CPPED1: variants seen among roughly 807,000 people sequenced by gnomAD.
CPPED1 encodes calcineurin like phosphoesterase domain containing 1, also known as serine/threonine-protein phosphatase CPPED1.
Under a neutral mutation model 28.0 loss-of-function variants are expected in CPPED1, and 28 were observed. The observed-to-expected ratio is 1.00, with a 90% CI of 0.74 to 1.37. The LOEUF (loss-of-function observed/expected upper bound fraction) is 1.37, where lower values mean the gene tolerates loss of function less well. Among genes scored for constraint, CPPED1 ranks in the 40% most tolerant of loss-of-function variants. The pLI is 0.00. For missense variants in CPPED1, 504 were observed against 416.5 expected (o/e 1.21, Z -1.83); for synonymous variants, 198 against 180.2 (o/e 1.10, Z -0.79).
chr16:12,761,954 G>A (rs2141227232), intron 2 of CPPED1, among the ~76,000 whole-genome samples: 2 of 151,904 alleles, frequency 1.3e-5, no homozygotes, highest in African/African-American at 4.8e-5. Context: ...GGTGGAGGTT[G>A]CAGTGAGCTG....
At chr16:12,757,652 T>C (rs1381063420) in intron 2 of CPPED1, 1 of 135,184 alleles carries the variant, frequency 7.4e-6, no homozygotes, top group Non-Finnish European at 1.6e-5. Flanking sequence ...TAGCAGCGTA[T>C]GTGTTGTGAG....
chr16:12,714,777 G>C (rs2080098545), intron 2 of CPPED1, among the ~76,000 whole-genome samples: 1 of 151,446 alleles, frequency 6.6e-6, no homozygotes, highest in Non-Finnish European at 1.5e-5. Context: ...GTCCTTTGAG[G>C]TACAAAATAT....
chr16:12,706,555 C>T (rs1264599137), intron 2 of CPPED1, among the ~76,000 whole-genome samples: 5 of 75,552 alleles, frequency 6.6e-5, no homozygotes, highest in South Asian at 5.4e-4. Flanking sequence ...TAATTTTCAC[C>T]GAAAAAAAAA....
At chr16:12,738,499 A>C (rs1596465931) in intron 2 of CPPED1, among the ~76,000 whole-genome samples, 2 of 152,282 alleles carry the variant, frequency 1.3e-5, no homozygotes, top group East Asian at 3.9e-4. Flanking sequence ...AATGTCTCTG[A>C]ATATTTTAGT....
chr16:12,797,024 A>G (rs911841806), intron 1 of CPPED1, among the ~76,000 whole-genome samples: 1 of 152,218 alleles, frequency 6.6e-6, no homozygotes, highest in African/African-American at 2.4e-5. Context: ...ATATTTTTCC[A>G]TTAACATGAA....
rs977386714 is a variant in CPPED1 at position 12,770,241 on chromosome 16, T to C, written c.289+10944A>G. Reference sequence around the variant, plus strand: ...GGTGTGCTCTCAGTGCAAATGGCGCTGAGGCAGATTCTAAACCCAGGCAAC... The same window carrying C: ...GGTGTGCTCTCAGTGCAAATGGCGCCGAGGCAGATTCTAAACCCAGGCAAC... On this transcript the variant is annotated intron_variant, in intron 2 of 3. Transcript: ENST00000381774. Among the ~76,000 whole-genome samples, 6 of 152,162 alleles carry C rather than the reference T, an allele frequency of 3.9e-5. 1 individual carries two copies. Among genetic ancestry groups the C allele is most frequent in the African/African-American group, 1.4e-4 (6 of 41,454 alleles).
intron 2 of CPPED1, among the ~76,000 whole-genome samples, chr16:12,758,301 G>C (rs1442341872): frequency 6.6e-6 from 1 of 152,074 alleles, no homozygotes; most frequent in Non-Finnish European, 1.5e-5. Context: ...GGCTCATTGG[G>C]GTCCAGGAGC....
intron 2 of CPPED1, among the ~76,000 whole-genome samples, chr16:12,751,137 G>T (rs1486561322): frequency 6.6e-6 from 1 of 152,080 alleles, no homozygotes; most frequent in Non-Finnish European, 1.5e-5. Flanking sequence ...AATATAGAGA[G>T]ATACAATCAA....
intron 1 of CPPED1, among the ~76,000 whole-genome samples, chr16:12,801,709 A>G (rs1391221194): frequency 1.3e-5 from 2 of 152,188 alleles, no homozygotes; most frequent in Non-Finnish European, 2.9e-5. Context: ...CTAAATGGCC[A>G]TTGTATTAGT....
At chr16:12,752,700 A>G (rs2080338002) in intron 2 of CPPED1, among the ~76,000 whole-genome samples, 1 of 147,520 alleles carries the variant, frequency 6.8e-6, no homozygotes, top group Admixed American at 6.8e-5. Flanking sequence ...CTTGCAAACT[A>G]AAACACATGC....
intron 1 of CPPED1, among the ~76,000 whole-genome samples, chr16:12,789,313 T>C (rs970652967): frequency 6.6e-6 from 1 of 152,004 alleles, no homozygotes; most frequent in African/African-American, 2.4e-5. Context: ...TGCTTAGAGG[T>C]GAGGAAGAGG....
intron 3 of CPPED1, among the ~76,000 whole-genome samples, 197 bp downstream of exon 3, chr16:12,704,427 T>G (rs988888823): frequency 2.6e-5 from 4 of 152,168 alleles, no homozygotes; most frequent in Non-Finnish European, 5.9e-5. Flanking sequence ...TATTCCTGTT[T>G]TATAGACGAG....
rs150055594 is a variant in CPPED1 at position 12,738,855 on chromosome 16, G to A, written c.290-33806C>T. ...TCAGTTGCAATATTATTAGCAAACT[G>A]TTTTGCCAAAACATGTTTAATGTAG... On this transcript the variant is annotated intron_variant, in intron 2 of 3. Coordinates refer to ENST00000381774, the MANE Select transcript of CPPED1 (RefSeq NM_018340.3). 4.5e-3 allele frequency among the ~76,000 whole-genome samples: 686 copies of A among 152,284 alleles called. 9 individuals are homozygous for A. The highest frequency in any genetic ancestry group is 0.016 in the African/African-American group (659 of 41,562).
At chr16:12,782,321 G>A (rs912280578) in intron 1 of CPPED1, among the ~76,000 whole-genome samples, 6 of 152,080 alleles carry the variant, frequency 3.9e-5, no homozygotes, top group African/African-American at 1.4e-4. Context: ...GACCAATGTT[G>A]AAAAAACATT....
intron 2 of CPPED1, among the ~76,000 whole-genome samples, chr16:12,762,015 C>CAAAAA (rs56991005): frequency 6.9e-6 from 1 of 145,222 alleles, no homozygotes; most frequent in Non-Finnish European, 1.5e-5. Context: ...ACTCTGTCTC[C>CAAAAA]AAAAAAAAAA....
intron 2 of CPPED1, among the ~76,000 whole-genome samples, chr16:12,707,429 T>C (rs2080057350): frequency 6.6e-6 from 1 of 152,184 alleles, no homozygotes; most frequent in African/African-American, 2.4e-5. Flanking sequence ...CTCAAGGTGC[T>C]GTCTACAGTG....
intron 1 of CPPED1, among the ~76,000 whole-genome samples, chr16:12,800,741 C>G (rs761990734): frequency 2.4e-4 from 36 of 152,174 alleles, no homozygotes; most frequent in Non-Finnish European, 4.0e-4. Context: ...GCTCCAGACT[C>G]AGAGACTTCC....
At chr16:12,677,891 G>A (rs768619703) in intron 3 of CPPED1, among the ~76,000 whole-genome samples, 1 of 152,202 alleles carries the variant, frequency 6.6e-6, no homozygotes, top group Non-Finnish European at 1.5e-5. Context: ...TTTCGCCTTT[G>A]TGGGCCATGT....
At position 12,662,473 on chromosome 16, in the gene CPPED1, T is replaced by A. The variant is rs1208577317; in HGVS notation, c.*2413A>T. 6.6e-6 allele frequency: 1 copy of A among 152,250 alleles called. No individual in the cohort carries two copies. The highest frequency in any genetic ancestry group is 1.5e-5 in the Non-Finnish European group (1 of 68,048). 9.4% of individuals were successfully genotyped at this position (152,250 alleles called of 1,614,324 possible). On this transcript the variant is annotated 3_prime_UTR_variant, in exon 4 of 4. Transcript: ENST00000381774. ...TGCGAAGTGGTGAAGTCCAGGCTTT[T>A]CCTGCAACCAACACCAGAAAAGTGT...
Sources: allele counts gnomAD v4.1 joint callset (sites outside exome capture counted in the v4.1 genomes callset), GRCh38; gene constraint gnomAD v4.1.1; transcripts MANE v1.5; gene names NCBI Gene and HGNC (gene_info 2026-07-23, HGNC 2026-07-21).